The following RRAGB variants were observed in gnomAD, a reference collection of about 807,000 sequenced individuals.
The protein encoded by RRAGB is ras-related GTP-binding protein B.
A neutral mutation model predicts 29.3 loss-of-function variants in RRAGB; 6 were observed. The ratio of observed to expected loss-of-function variants is 0.21; its 90% CI spans 0.11 to 0.40. The LOEUF (loss-of-function observed/expected upper bound fraction) is 0.40. Among genes scored for constraint, RRAGB ranks in the 10% least tolerant of loss-of-function variants. The pLI, the probability that RRAGB is intolerant of heterozygous loss-of-function variation, is 1.00. For missense variants in RRAGB, 184 were observed against 272.9 expected (o/e 0.67, Z 2.29); for synonymous variants, 101 against 92.5 (o/e 1.09, Z -0.53).
At chrX:55,730,667 CTATTGAGT>C (rs1447490292) in intron 4 of RRAGB, among the ~76,000 whole-genome samples, 1 of 111,640 alleles carries the variant, frequency 9.0e-6, no homozygotes, top group African/African-American at 3.3e-5. Flanking sequence ...GAATATTTGA[CTATTGAGT>C]TATTCATTCA....
intron 3 of RRAGB, among the ~76,000 whole-genome samples, chrX:55,724,221 A>G (rs1216951663): frequency 1.8e-5 from 2 of 112,251 alleles, no homozygotes; most frequent in African/African-American, 3.2e-5. Flanking sequence ...TTTTGAACCA[A>G]AGAATAAATG....
intron 5 of RRAGB, among the ~76,000 whole-genome samples, chrX:55,745,587 A>T (rs2034217191): frequency 8.9e-6 from 1 of 112,204 alleles, no homozygotes; most frequent in South Asian, 3.7e-4. Context: ...TTGAAGGAGG[A>T]TGTGGTGGTA....
At chrX:55,727,252 T>G in intron 3 of RRAGB, 1 of 1,122,630 alleles carries the variant, frequency 8.9e-7, no homozygotes, top group Non-Finnish European at 1.2e-6. Flanking sequence ...TCCTGTCACT[T>G]CTTTTGTTAT....
chrX:55,743,650 A>T (rs1052956463), intron 5 of RRAGB, among the ~76,000 whole-genome samples: 20 of 112,397 alleles, frequency 1.8e-4, no homozygotes, highest in African/African-American at 6.2e-4. Flanking sequence ...TTCATATGAG[A>T]CACAAATATC....
chrX:55,756,318 G>T (rs1306472635), intron 8 of RRAGB, among the ~76,000 whole-genome samples: 2 of 112,196 alleles, frequency 1.8e-5, no homozygotes, highest in African/African-American at 3.2e-5. Flanking sequence ...AAATAGTGAG[G>T]TACTGATTCA....
chrX:55,723,921 A>G (rs755234932), intron 3 of RRAGB, among the ~76,000 whole-genome samples: 25 of 111,804 alleles, frequency 2.2e-4, no homozygotes, highest in Non-Finnish European at 4.0e-4. Context: ...TCTATTTCTC[A>G]TTTGACATAT....
intron 5 of RRAGB, among the ~76,000 whole-genome samples, chrX:55,732,532 A>G (rs1485159062): frequency 2.7e-5 from 3 of 111,760 alleles, no homozygotes; most frequent in South Asian, 7.5e-4. Context: ...GGTAAGGAAT[A>G]CTTTTTTATA....
Position 55,731,346 on chromosome X carries a change from A to G in RRAGB, c.294-18A>G. ...TGAATTGAGGATTTGCTTACTATAT[A>G]TATATTTTTTCTATCAGGCAAGACA... On this transcript the variant is annotated intron_variant, in intron 4 of 9. Coordinates refer to ENST00000374941, the MANE Select transcript of RRAGB (RefSeq NM_006064.5). 2 of 1,129,503 alleles carry G rather than the reference A, an allele frequency of 1.8e-6. No individual in the cohort carries two copies. The highest frequency in any genetic ancestry group is 2.4e-6 in the Non-Finnish European group (2 of 827,433). The allele number at this position is 1,129,503 out of a possible 1,213,427, so 93.1% of individuals were successfully genotyped here.
chrX:55,722,410 C>A (rs1398692952), intron 3 of RRAGB, 125 bp downstream of exon 3: 3 of 400,620 alleles, frequency 7.5e-6, no homozygotes, highest in African/African-American at 7.4e-5. Flanking sequence ...GCATGTTTAC[C>A]CTTTTTGCAT....
At chrX:55,724,711 G>C (rs1489084213) in intron 3 of RRAGB, among the ~76,000 whole-genome samples, 2 of 111,662 alleles carry the variant, frequency 1.8e-5, no homozygotes, top group African/African-American at 3.3e-5. Context: ...GAAGCTAATG[G>C]TTATTGAACA....
At chrX:55,738,915 G>A (rs1408386532) in intron 5 of RRAGB, among the ~76,000 whole-genome samples, 1 of 112,258 alleles carries the variant, frequency 8.9e-6, no homozygotes, top group Non-Finnish European at 1.9e-5. Context: ...CTCCCCATGT[G>A]TAAGCACAAG....
rs762381416 is a variant in RRAGB, at chrX:55,738,870, G to A, written c.516+7284G>A. On this transcript the variant is annotated intron_variant, in intron 5 of 9. Transcript: ENST00000374941. ...ACCAGGGCAGGTGGAGGGGCAAACC[G>A]GGTTTGGGCTGGGTCAAACAGATTT... is the stretch of plus-strand genomic sequence containing the variant. 7.1e-5 allele frequency among the ~76,000 whole-genome samples: 8 copies of A among 112,071 alleles called. No homozygotes were observed. In the East Asian group the frequency reaches 2.0e-3, roughly 28 times the overall value.
chrX:55,749,509 C>T (rs901765519), intron 5 of RRAGB, among the ~76,000 whole-genome samples: 2 of 111,138 alleles, frequency 1.8e-5, no homozygotes, highest in South Asian at 3.9e-4. Flanking sequence ...CCCCTCTGCC[C>T]GGCCACCACC....
intron 5 of RRAGB, among the ~76,000 whole-genome samples, chrX:55,732,294 T>C (rs2033710943): frequency 8.9e-6 from 1 of 112,300 alleles, no homozygotes; most frequent in East Asian, 2.8e-4. Context: ...GCAAGTCATA[T>C]AGTCTAGCTG....
At chrX:55,738,187 T>G (rs1199949417) in intron 5 of RRAGB, among the ~76,000 whole-genome samples, 2 of 112,751 alleles carry the variant, frequency 1.8e-5, no homozygotes, top group Non-Finnish European at 3.7e-5. Context: ...GCTCCAGCAC[T>G]CTCCGCTTAA....
intron 2 of RRAGB, 59 bp from the exon 3 acceptor site, chrX:55,722,127 A>C: frequency 2.9e-6 from 2 of 682,851 alleles, no homozygotes; most frequent in Non-Finnish European, 4.6e-6. Flanking sequence ...ATCCCTTTAG[A>C]CTTGATTTGC....
In RRAGB at chrX:55,719,364, AC is replaced by A. The variant is rs1191058823; in HGVS notation, c.126+18del. 8.7e-7 allele frequency: 1 copy of A among 1,151,127 alleles called. No individual in the cohort carries two copies. Among genetic ancestry groups the A allele is most frequent in the African/African-American group, 1.8e-5 (1 of 55,426 alleles). 94.9% of individuals were successfully genotyped at this position (1,151,127 alleles called of 1,213,427 possible). A position where few individuals can be genotyped will look rare whatever the true frequency, so the allele number is the denominator to read the frequency against. On this transcript the variant is annotated intron_variant, in intron 2 of 9. Transcript: ENST00000374941. ...AAGAAAAAGGTAAGACGTGTTAGAT[AC>A]GTCAAAACCATGAAGGTAAAGGTAA...
At chrX:55,720,172 T>C (rs2033213701) in intron 2 of RRAGB, among the ~76,000 whole-genome samples, 1 of 112,245 alleles carries the variant, frequency 8.9e-6, no homozygotes, top group Admixed American at 9.4e-5. Flanking sequence ...ATGTTCTTGA[T>C]GAGCCTGTCT....
chrX:55,722,031 G>A (rs1277136382), intron 2 of RRAGB, among the ~76,000 whole-genome samples, 155 bp from the exon 3 acceptor site: 1 of 112,548 alleles, frequency 8.9e-6, no homozygotes, highest in African/African-American at 3.2e-5. Flanking sequence ...ACCCTTCGTT[G>A]GGAAGAGTTT....
Sources: allele counts gnomAD v4.1 joint callset (sites outside exome capture counted in the v4.1 genomes callset), GRCh38; gene constraint gnomAD v4.1.1; transcripts MANE v1.5; gene names NCBI Gene and HGNC (gene_info 2026-07-23, HGNC 2026-07-21).